PHACTR1: variants seen among roughly 807,000 people sequenced by gnomAD.
PHACTR1 encodes phosphatase and actin regulator 1.
PHACTR1 carries 16 observed loss-of-function variants against 69.2 expected under a neutral mutation model. The observed-to-expected ratio is 0.23, with a 90% CI of 0.16 to 0.35. The LOEUF (loss-of-function observed/expected upper bound fraction) is 0.35. Among genes scored for constraint, PHACTR1 ranks in the 10% least tolerant of loss-of-function variants. PHACTR1 has a pLI of 1.00. For missense variants in PHACTR1, 510 were observed against 734.7 expected, an observed-to-expected ratio of 0.69 and a Z score of 3.54; for synonymous variants, 312 against 284.5, an observed-to-expected ratio of 1.10 and a Z score of -0.97.
chr6:12,879,846 A>T (rs982342399), intron 4 of PHACTR1, among the ~76,000 whole-genome samples: 1 of 152,198 alleles, frequency 6.6e-6, no homozygotes, highest in Non-Finnish European at 1.5e-5. Flanking sequence ...ACAACAAGGG[A>T]TGAATCAGAT....
rs74893944 is a variant in PHACTR1 at position 13,163,013 on chromosome 6, A to C, written c.496+2729A>C. Reference sequence around the variant, plus strand: ...GTAATCCCAGCACTTTGGGAGGCCAAGGCGGTGGATCGCTTGAGGTCAGGA... The same window carrying C: ...GTAATCCCAGCACTTTGGGAGGCCACGGCGGTGGATCGCTTGAGGTCAGGA... On this transcript the variant is annotated intron_variant, in intron 6 of 14. Transcript: ENST00000332995. Among the ~76,000 whole-genome samples, 179 of 152,288 alleles carry C rather than the reference A, an allele frequency of 1.2e-3. 2 individuals are homozygous for C. Among genetic ancestry groups the C allele is most frequent in the African/African-American group, 3.7e-3 (153 of 41,574 alleles).
chr6:13,055,441 G>A (rs914492773), intron 5 of PHACTR1, among the ~76,000 whole-genome samples: 3 of 152,060 alleles, frequency 2.0e-5, no homozygotes, highest in African/African-American at 7.2e-5. Context: ...AGAAATCTAA[G>A]TGAAATATAT....
intron 4 of PHACTR1, among the ~76,000 whole-genome samples, chr6:12,939,100 T>C (rs1789794783): frequency 1.3e-5 from 2 of 152,188 alleles, no homozygotes. Flanking sequence ...ACCTAGGACA[T>C]ATAGATGCTG....
At chr6:13,071,466 C>T (rs926480402) in intron 5 of PHACTR1, among the ~76,000 whole-genome samples, 14 of 152,066 alleles carry the variant, frequency 9.2e-5, no homozygotes, top group South Asian at 4.2e-4. Flanking sequence ...ACCCACATTG[C>T]GTGGTATTCT....
intron 5 of PHACTR1, among the ~76,000 whole-genome samples, chr6:13,158,795 C>G (rs1583636307): frequency 6.6e-6 from 1 of 152,334 alleles, no homozygotes; most frequent in East Asian, 1.9e-4. Context: ...GAGTTAGAAC[C>G]ACAATCCTTG....
At chr6:12,922,379 T>G (rs1335688676) in intron 4 of PHACTR1, among the ~76,000 whole-genome samples, 1 of 152,058 alleles carries the variant, frequency 6.6e-6, no homozygotes, top group South Asian at 2.1e-4. Context: ...ATTAATAATA[T>G]TGGCTTTAGA....
At chr6:13,241,380 C>T (rs1399833525) in intron 10 of PHACTR1, among the ~76,000 whole-genome samples, 1 of 152,184 alleles carries the variant, frequency 6.6e-6, no homozygotes, top group East Asian at 1.9e-4. Flanking sequence ...TATTCTCAGG[C>T]CCCACCCCAG....
Position 13,003,950 on chromosome 6 carries a change from C to CATATATATAT in PHACTR1, c.251-49415_251-49414insATATATATAT, listed in dbSNP as rs1562119669. 4.7e-4 allele frequency among the ~76,000 whole-genome samples: 38 copies of CATATATATAT among 81,352 alleles called. 2 individuals carry two copies. The highest frequency in any genetic ancestry group is 1.8e-3 in the African/African-American group (29 of 15,796). The allele number at this position is 81,352 out of a possible 152,430, so 53.4% of individuals were successfully genotyped here. A position where few individuals can be genotyped will look rare whatever the true frequency, so the allele number is the denominator to read the frequency against. ...TCTTTTTTTATGGCTCAGTAGTATT[C>CATATATATAT]CTATATATATATATGTATATATATA... On this transcript the variant is annotated intron_variant, in intron 4 of 14. Transcript: ENST00000332995.
At chr6:12,752,291 A>G (rs542900617) in intron 4 of PHACTR1, among the ~76,000 whole-genome samples, 26 of 152,202 alleles carry the variant, frequency 1.7e-4, no homozygotes, top group Non-Finnish European at 2.8e-4. Context: ...TTGTAATTAA[A>G]CTATTAGTGT....
At chr6:13,171,910 C>T (rs1263618823) in intron 6 of PHACTR1, among the ~76,000 whole-genome samples, 2 of 152,176 alleles carry the variant, frequency 1.3e-5, no homozygotes, top group African/African-American at 4.8e-5. Context: ...GGATTACAGG[C>T]ATGCGCCACC....
chr6:12,745,585 A>G (rs1187264972), intron 3 of PHACTR1, among the ~76,000 whole-genome samples: 1 of 152,208 alleles, frequency 6.6e-6, no homozygotes, highest in Non-Finnish European at 1.5e-5. Flanking sequence ...ATTCTAAAGG[A>G]TGCAGAGTTA....
intron 9 of PHACTR1, 106 bp downstream of exon 9, chr6:13,228,169 C>G: frequency 2.2e-6 from 3 of 1,376,346 alleles, no homozygotes; most frequent in Non-Finnish European, 2.9e-6. Context: ...AATCCCTGCT[C>G]TGGTGTTGAC....
At chr6:12,912,715 G>A (rs1786549198) in intron 4 of PHACTR1, among the ~76,000 whole-genome samples, 1 of 152,218 alleles carries the variant, frequency 6.6e-6, no homozygotes, top group South Asian at 2.1e-4. Context: ...CACTTTGGGA[G>A]GCTGAGGCAG....
chr6:12,871,743 G>A (rs1400058054), intron 4 of PHACTR1, among the ~76,000 whole-genome samples: 2 of 152,016 alleles, frequency 1.3e-5, no homozygotes, highest in African/African-American at 2.4e-5. Context: ...GAAGTTCCTC[G>A]CCAATCTTTC....
At chr6:12,905,431 AT>A (rs1451133426) in intron 4 of PHACTR1, among the ~76,000 whole-genome samples, 4 of 152,186 alleles carry the variant, frequency 2.6e-5, no homozygotes, top group Non-Finnish European at 5.9e-5. Context: ...GCAGCCATAT[AT>A]TCATTTAAGT....
At chr6:12,918,216 G>A (rs1227247323) in intron 4 of PHACTR1, among the ~76,000 whole-genome samples, 3 of 152,160 alleles carry the variant, frequency 2.0e-5, no homozygotes, top group Non-Finnish European at 2.9e-5. Flanking sequence ...TTAGGTTGAA[G>A]GCTGGCTATT....
At chr6:12,911,121 A>G (rs571746886) in intron 4 of PHACTR1, among the ~76,000 whole-genome samples, 48 of 152,334 alleles carry the variant, frequency 3.2e-4, no homozygotes, top group Non-Finnish European at 6.3e-4. Flanking sequence ...AAAGCTGTGC[A>G]AAACTGGTGC....
At chr6:12,750,529 AAAG>A (rs1250989264) in intron 4 of PHACTR1, among the ~76,000 whole-genome samples, 12 of 139,792 alleles carry the variant, frequency 8.6e-5, no homozygotes, top group East Asian at 2.4e-4. Flanking sequence ...GGAAGGAAGG[AAAG>A]AAGGAGGGAA....
chr6:12,942,875 C>T (rs1490826600), intron 4 of PHACTR1, among the ~76,000 whole-genome samples: 1 of 152,202 alleles, frequency 6.6e-6, no homozygotes, highest in Non-Finnish European at 1.5e-5. Context: ...TTCACCCAGG[C>T]ATTTCAGCAG....
Sources: gnomAD v4.1 joint callset for allele counts (sites outside exome capture counted in the v4.1 genomes callset) on GRCh38, gnomAD v4.1.1 for gene constraint, MANE v1.5 for transcripts, NCBI Gene and HGNC (gene_info 2026-07-23, HGNC 2026-07-21) for gene names.